The following RNF13 variants were observed in gnomAD, a reference collection of about 807,000 sequenced individuals.
The protein encoded by RNF13 is ring finger protein 13, also known as E3 ubiquitin-protein ligase RNF13.
Under a neutral mutation model 37.7 loss-of-function variants are expected in RNF13, and 19 were observed. That is an observed-to-expected ratio of 0.50 (90% CI 0.35 to 0.74). The LOEUF is 0.74. RNF13 is among the 30% of genes least tolerant of loss of function. RNF13 has a pLI of 0.01. For synonymous variants in RNF13, 144 were observed against 157.8 expected (o/e 0.91, Z 0.65); for missense variants, 375 against 453.0 (o/e 0.83, Z 1.56).
At chr3:149,844,328 C>T (rs1722442770) in intron 1 of RNF13, among the ~76,000 whole-genome samples, 3 of 152,128 alleles carry the variant, frequency 2.0e-5, no homozygotes, top group Admixed American at 1.3e-4. Context: ...TCAGTGTAAG[C>T]GTCTAAGGGT....
intron 9 of RNF13, 109 bp from the exon 10 acceptor site, chr3:149,960,631 C>CCCGTCCCTACATGATACATA (rs1264002405): frequency 3.9e-6 from 4 of 1,023,332 alleles, no homozygotes; most frequent in African/African-American, 3.3e-5. Context: ...AAACTTTCTT[C>CCCGTCCCTACATGATACATA]CCGTCCCTAC....
intron 8 of RNF13, among the ~76,000 whole-genome samples, chr3:149,952,210 C>G (rs758777467): frequency 1.3e-5 from 2 of 152,046 alleles, no homozygotes; most frequent in Non-Finnish European, 2.9e-5. Flanking sequence ...GCCCTTTGTT[C>G]ACATTTCTGT....
chr3:149,864,038 T>TTTTG (rs1724547357), intron 3 of RNF13, among the ~76,000 whole-genome samples: 2 of 97,376 alleles, frequency 2.1e-5, no homozygotes, highest in African/African-American at 4.1e-5. Flanking sequence ...TTTTTTTTTT[T>TTTTG]TTAGAATGAT....
intron 4 of RNF13, among the ~76,000 whole-genome samples, chr3:149,889,179 C>T (rs1488529844): frequency 6.9e-6 from 1 of 144,196 alleles, no homozygotes; most frequent in East Asian, 2.2e-4. Context: ...CCTCATGATC[C>T]CCCCGACTCA....
At chr3:149,853,468 GA>G in intron 3 of RNF13, among the ~76,000 whole-genome samples, 1 of 139,422 alleles carries the variant, frequency 7.2e-6, no homozygotes, top group Non-Finnish European at 1.5e-5. Context: ...GAGAGAGAGA[GA>G]GAGAGAGAGA....
At chr3:149,841,818 C>T (rs148743271) in intron 1 of RNF13, among the ~76,000 whole-genome samples, 1,836 of 152,098 alleles carry the variant, frequency 0.012, 32 homozygotes, top group African/African-American at 0.041. Flanking sequence ...TTAGTAGAGA[C>T]GGGGTTTCCC....
intron 8 of RNF13, among the ~76,000 whole-genome samples, chr3:149,953,505 A>G (rs958866073): frequency 2.6e-5 from 4 of 152,242 alleles, no homozygotes; most frequent in Admixed American, 2.6e-4. Flanking sequence ...TATCTGAAGA[A>G]AAAAGTGTTC....
intron 1 of RNF13, among the ~76,000 whole-genome samples, chr3:149,820,743 T>C (rs1159528381): frequency 1.3e-5 from 2 of 152,228 alleles, no homozygotes; most frequent in Non-Finnish European, 2.9e-5. Context: ...CCATCACTTC[T>C]GTCTAGTTTC....
At chr3:149,850,601 G>A (rs962605399) in intron 2 of RNF13, among the ~76,000 whole-genome samples, 1 of 152,168 alleles carries the variant, frequency 6.6e-6, no homozygotes, top group South Asian at 2.1e-4. Context: ...GTAATAGGAA[G>A]AGATAAAAGA....
At chr3:149,822,923 A>G (rs1368945724) in intron 1 of RNF13, among the ~76,000 whole-genome samples, 2 of 152,138 alleles carry the variant, frequency 1.3e-5, no homozygotes, top group Non-Finnish European at 2.9e-5. Context: ...ATTAATATAC[A>G]TTAGTTTTTC....
intron 8 of RNF13, among the ~76,000 whole-genome samples, chr3:149,945,808 G>T (rs1258345727): frequency 6.6e-6 from 1 of 152,238 alleles, no homozygotes; most frequent in East Asian, 1.9e-4. Context: ...GGCAAAAAGG[G>T]TGTGGAGTGG....
chr3:149,842,888 C>T (rs561035296), intron 1 of RNF13, among the ~76,000 whole-genome samples: 59 of 152,272 alleles, frequency 3.9e-4, no homozygotes, highest in African/African-American at 1.3e-3. Flanking sequence ...GGACAGCTAT[C>T]TGCAATGGTT....
intron 4 of RNF13, among the ~76,000 whole-genome samples, chr3:149,874,856 C>T (rs932025610): frequency 2.0e-5 from 3 of 152,088 alleles, no homozygotes; most frequent in South Asian, 2.1e-4. Context: ...GATTTCCTTT[C>T]TAGAGTGGTT....
intron 1 of RNF13, among the ~76,000 whole-genome samples, chr3:149,819,813 AT>A (rs1197334201): frequency 6.6e-6 from 1 of 152,190 alleles, no homozygotes; most frequent in Non-Finnish European, 1.5e-5. Flanking sequence ...ATAATCAGGC[AT>A]TTTTATATCT....
intron 4 of RNF13, among the ~76,000 whole-genome samples, chr3:149,875,975 TA>T (rs1228905187): frequency 2.2e-5 from 1 of 46,430 alleles, no homozygotes; most frequent in African/African-American, 1.1e-4. Context: ...AATACGACTT[TA>T]AAAAAAATCT....
At chr3:149,867,297 G>T (rs1711501000) in intron 3 of RNF13, among the ~76,000 whole-genome samples, 1 of 150,326 alleles carries the variant, frequency 6.7e-6, no homozygotes, top group Non-Finnish European at 1.5e-5. Context: ...ACAGAGTCTT[G>T]CTCTGTCACC....
intron 3 of RNF13, among the ~76,000 whole-genome samples, chr3:149,869,617 A>G (rs983501193): frequency 2.6e-5 from 4 of 151,726 alleles, no homozygotes; most frequent in African/African-American, 9.7e-5. Flanking sequence ...GAAAAAAAAA[A>G]AAGTTCACAT....
intron 1 of RNF13, chr3:149,814,323 A>G (rs1397022498): frequency 3.3e-5 from 5 of 152,256 alleles, no homozygotes; most frequent in Admixed American, 6.5e-5. Flanking sequence ...GATCAATTCA[A>G]GATTTAAGGT....
rs1310152565 is a variant in RNF13, at chr3:149,953,480, CTTCT to C, written c.701-6573_701-6570del. ...TGGGAATAAAAAATGGTCTTCATCC[CTTCT>C]TTGTGTTAAATATCTGAAGAAAAAA... On this transcript the variant is annotated intron_variant, in intron 8 of 9. Coordinates refer to ENST00000392894, the MANE Select transcript of RNF13 (RefSeq NM_183381.3). Among the ~76,000 whole-genome samples, 4 of 152,152 alleles carry C rather than the reference CTTCT, an allele frequency of 2.6e-5. No individual in the cohort carries two copies. In the East Asian group the frequency reaches 5.8e-4, roughly 22 times the overall value.
Sources: gnomAD v4.1 joint callset for allele counts (sites outside exome capture counted in the v4.1 genomes callset) on GRCh38, gnomAD v4.1.1 for gene constraint, MANE v1.5 for transcripts, NCBI Gene and HGNC (gene_info 2026-07-23, HGNC 2026-07-21) for gene names.